Variants in TMEM178B observed in about 807,000 individuals in gnomAD.
TMEM178B encodes transmembrane protein 178B.
Under a neutral mutation model 31.0 loss-of-function variants are expected in TMEM178B, and 5 were observed. The observed-to-expected ratio is 0.16, with a 90% CI of 0.08 to 0.34. TMEM178B has a LOEUF of 0.34. Ranked by LOEUF, TMEM178B falls within the 10% of genes least tolerant of loss-of-function variation. The pLI is 1.00. For synonymous variants in TMEM178B, 164 were observed against 164.0 expected, an observed-to-expected ratio of 1.00 and a Z score of 0.00; for missense variants, 275 against 400.3, an observed-to-expected ratio of 0.69 and a Z score of 2.67.
chr7:141,262,798 T>C (rs1038192184), intron 2 of TMEM178B, among the ~76,000 whole-genome samples: 1 of 152,050 alleles, frequency 6.6e-6, no homozygotes, highest in Non-Finnish European at 1.5e-5. Context: ...TTTAAACATA[T>C]GGGGTCCAGT....
chr7:141,315,562 C>A (rs1487751027), intron 2 of TMEM178B, among the ~76,000 whole-genome samples: 1 of 152,164 alleles, frequency 6.6e-6, no homozygotes, highest in Non-Finnish European at 1.5e-5. Context: ...TATAAATATT[C>A]ATCTCAACAC....
intron 2 of TMEM178B, among the ~76,000 whole-genome samples, chr7:141,366,250 A>T (rs1800002471): frequency 6.6e-6 from 1 of 152,084 alleles, no homozygotes; most frequent in African/African-American, 2.4e-5. Context: ...CCTTTGACAC[A>T]CTTCTCATTT....
intron 2 of TMEM178B, among the ~76,000 whole-genome samples, chr7:141,432,144 A>ATTTTTTTTTTT (rs1801442390): frequency 2.3e-5 from 2 of 86,358 alleles, no homozygotes; most frequent in Admixed American, 1.4e-4. Context: ...CCTTCACTGC[A>ATTTTTTTTTTT]TCTTTTTTTT....
At chr7:141,185,117 T>C (rs1796587983) in intron 1 of TMEM178B, among the ~76,000 whole-genome samples, 2 of 152,134 alleles carry the variant, frequency 1.3e-5, no homozygotes, top group Admixed American at 1.3e-4. Flanking sequence ...AGGCAGGCTG[T>C]GGGGCTCCAA....
At chr7:141,081,225 A>G (rs1794677801) in intron 1 of TMEM178B, among the ~76,000 whole-genome samples, 1 of 152,014 alleles carries the variant, frequency 6.6e-6, no homozygotes, top group African/African-American at 2.4e-5. Context: ...GATGATCCCA[A>G]CCCTCTGCAG....
chr7:141,374,235 G>A (rs577805545), intron 2 of TMEM178B, among the ~76,000 whole-genome samples: 8 of 152,272 alleles, frequency 5.3e-5, no homozygotes, highest in African/African-American at 1.9e-4. Context: ...GCATTTAAAC[G>A]GGATTCCACC....
intron 2 of TMEM178B, among the ~76,000 whole-genome samples, chr7:141,382,927 T>G (rs1366521965): frequency 1.3e-5 from 2 of 152,154 alleles, no homozygotes; most frequent in African/African-American, 2.4e-5. Flanking sequence ...CCACAGAAAC[T>G]TCCTTGCCTT....
chr7:141,462,676 G>C (rs967993937), intron 3 of TMEM178B, among the ~76,000 whole-genome samples: 1 of 152,072 alleles, frequency 6.6e-6, no homozygotes, highest in Non-Finnish European at 1.5e-5. Context: ...TATTAATGAG[G>C]GATGGCAGCA....
chr7:141,298,623 G>A (rs994432808), intron 2 of TMEM178B, among the ~76,000 whole-genome samples: 7 of 152,204 alleles, frequency 4.6e-5, no homozygotes, highest in African/African-American at 7.2e-5. Context: ...AATCTGGAAT[G>A]TATGGGATCA....
intron 1 of TMEM178B, among the ~76,000 whole-genome samples, chr7:141,113,414 C>T (rs1296889881): frequency 6.6e-6 from 1 of 152,176 alleles, no homozygotes; most frequent in East Asian, 1.9e-4. Context: ...GACTTGAAAA[C>T]CATTGGACTA....
the TMEM178B span, among the ~76,000 whole-genome samples, chr7:141,488,734 G>A: frequency 5.9e-5 from 9 of 152,106 alleles, no homozygotes; most frequent in African/African-American, 7.2e-5. Context: ...CACCGCGCCC[G>A]GCCTGCATTT....
At chr7:141,115,994 T>G (rs966888750) in intron 1 of TMEM178B, among the ~76,000 whole-genome samples, 1 of 152,128 alleles carries the variant, frequency 6.6e-6, no homozygotes, top group African/African-American at 2.4e-5. Flanking sequence ...CAACATTAAT[T>G]TAATGTGATG....
intron 2 of TMEM178B, among the ~76,000 whole-genome samples, chr7:141,391,032 A>G (rs1197111039): frequency 6.6e-6 from 1 of 152,198 alleles, no homozygotes; most frequent in African/African-American, 2.4e-5. Context: ...TGGGAAAGGA[A>G]GAGAGAGTTC....
chr7:141,388,303 C>A (rs573283274), intron 2 of TMEM178B, among the ~76,000 whole-genome samples: 1 of 152,066 alleles, frequency 6.6e-6, no homozygotes, highest in East Asian at 1.9e-4. Flanking sequence ...AGTCAGGCTT[C>A]GAATGGAGAC....
At chr7:141,216,974 G>T (rs1291674469) in intron 2 of TMEM178B, among the ~76,000 whole-genome samples, 2 of 152,146 alleles carry the variant, frequency 1.3e-5, no homozygotes, top group Admixed American at 1.3e-4. Context: ...ACTGGCCAGT[G>T]AGGAGGGGAC....
intron 2 of TMEM178B, among the ~76,000 whole-genome samples, chr7:141,392,810 G>A (rs1178044590): frequency 1.3e-5 from 2 of 151,544 alleles, no homozygotes; most frequent in Admixed American, 6.6e-5. Flanking sequence ...GTCCCTGGGA[G>A]CCATAATCTA....
Position 141,478,417 on chromosome 7 carries a change from C to T in TMEM178B, c.*7631C>T, listed in dbSNP as rs1277986110. On this transcript the variant is annotated 3_prime_UTR_variant, in exon 4 of 4. Coordinates refer to ENST00000565468, the MANE Select transcript of TMEM178B (RefSeq NM_001195278.2). ...GTGACCCAACCCATGATTAGAGGCA[C>T]CTTCAATCCCAACTTTCCTCTCCTC... The T allele has an allele frequency of 1.3e-5, 2 of 152,180 alleles. No individual in the cohort carries two copies. Among genetic ancestry groups the T allele is most frequent in the African/African-American group, 4.8e-5 (2 of 41,448 alleles). 9.4% of individuals were successfully genotyped at this position (152,180 alleles called of 1,614,324 possible).
At chr7:141,443,285 A>T (rs961735681) in intron 3 of TMEM178B, among the ~76,000 whole-genome samples, 7 of 152,184 alleles carry the variant, frequency 4.6e-5, no homozygotes, top group Non-Finnish European at 1.0e-4. Flanking sequence ...GTACATTATT[A>T]TTAGCCAACG....
chr7:141,273,829 A>G (rs534007833), intron 2 of TMEM178B, among the ~76,000 whole-genome samples: 23 of 152,304 alleles, frequency 1.5e-4, no homozygotes, highest in Non-Finnish European at 3.1e-4. Flanking sequence ...CTGGACTTCT[A>G]GTTCCCACTG....
Sources: gnomAD v4.1 joint callset for allele counts (sites outside exome capture counted in the v4.1 genomes callset) on GRCh38, gnomAD v4.1.1 for gene constraint, MANE v1.5 for transcripts, NCBI Gene and HGNC (gene_info 2026-07-23, HGNC 2026-07-21) for gene names.